The following BABAM1 variants were observed in gnomAD, a reference collection of about 807,000 sequenced individuals.
BABAM1 encodes the protein BRISC and BRCA1-A complex member 1.
Under a neutral mutation model 34.4 loss-of-function variants are expected in BABAM1, and 14 were observed. The observed-to-expected ratio is 0.41, with a 90% CI of 0.27 to 0.64. BABAM1 has a LOEUF of 0.64. BABAM1 is among the 30% of genes least tolerant of loss of function. The pLI, the probability that BABAM1 is intolerant of heterozygous loss-of-function variation, is 0.34. For synonymous variants in BABAM1, 169 were observed against 165.8 expected, an observed-to-expected ratio of 1.02 and a Z score of -0.15; for missense variants, 393 against 434.0, an observed-to-expected ratio of 0.91 and a Z score of 0.84.
intron 1 of BABAM1, chr19:17,268,574 C>T: frequency 2.3e-6 from 1 of 440,426 alleles, no homozygotes; most frequent in East Asian, 4.3e-5. Flanking sequence ...GGATTATCCG[C>T]ATGCGCCACC....
chr19:17,271,764 G>C (rs2073843982), intron 3 of BABAM1, 109 bp downstream of exon 3: 3 of 1,274,800 alleles, frequency 2.4e-6, no homozygotes, highest in Non-Finnish European at 2.2e-6. Flanking sequence ...TCTGGCTTCA[G>C]GCTTGGCAGT....
In BABAM1 at chr19:17,278,860, A is replaced by T. The variant is rs1198975194; in HGVS notation, c.802A>T (p.Met268Leu). 9 of 1,612,970 alleles carry T rather than the reference A, an allele frequency of 5.6e-6. No homozygotes were observed. The highest frequency in any genetic ancestry group is 5.9e-6 in the Non-Finnish European group (7 of 1,179,604). The change falls in exon 9 of 9, where the codon ATG (methionine) becomes TTG (leucine). Residue 268 changes from methionine to leucine, a missense_variant. Physicochemically the swap from Met to Leu is conservative, Grantham distance 15. Coordinates refer to ENST00000598188, the MANE Select transcript of BABAM1 (RefSeq NM_014173.4). ...TCCCCGGCAGGATATGTTTGCCTTCATGGGCAGCCTGGATACCAAGGGTAC... is the reference window on the plus strand; with the variant it reads ...TCCCCGGCAGGATATGTTTGCCTTCTTGGGCAGCCTGGATACCAAGGGTAC... ...EMSWKDMFAF[M>L]GSLDTKGTSY...
intron 3 of BABAM1, among the ~76,000 whole-genome samples, chr19:17,273,526 A>G (rs1277357247): frequency 6.9e-6 from 1 of 144,218 alleles, no homozygotes; most frequent in African/African-American, 2.6e-5. Flanking sequence ...GGGTTTTCAG[A>G]GGAGGGTGGC....
At position 17,273,798 on chromosome 19, in the gene BABAM1, C is replaced by T. The variant is rs367611324; in HGVS notation, c.345-106C>T. 6.4e-6 allele frequency: 9 copies of T among 1,397,710 alleles called. No homozygotes were observed. In the East Asian group the frequency reaches 1.3e-4, roughly 20 times the overall value. 86.6% of individuals were successfully genotyped at this position (1,397,710 alleles called of 1,614,324 possible). A position where few individuals can be genotyped will look rare whatever the true frequency, so the allele number is the denominator to read the frequency against. ...CAGGCTGGTGTTGAACTCCTGACCT[C>T]GTGATCCACCTGCCTCAGCCTCCCA... On this transcript the variant is annotated intron_variant, in intron 3 of 8. Coordinates refer to ENST00000598188, the MANE Select transcript of BABAM1 (RefSeq NM_014173.4).
intron 5 of BABAM1, among the ~76,000 whole-genome samples, chr19:17,275,295 TA>T (rs1308291047): frequency 7.6e-6 from 1 of 132,172 alleles, no homozygotes; most frequent in African/African-American, 2.5e-5. Flanking sequence ...TATTTATTAT[TA>T]TATTTTTTTT....
At chr19:17,278,389 A>C (rs2145627800) in intron 8 of BABAM1, among the ~76,000 whole-genome samples, 1 of 145,938 alleles carries the variant, frequency 6.9e-6, no homozygotes, top group East Asian at 2.1e-4. Context: ...GCTCACTGCC[A>C]GCTCCGCCTC....
chr19:17,276,772 G>T, intron 7 of BABAM1, 51 bp from the exon 8 acceptor site: 1 of 1,565,178 alleles, frequency 6.4e-7, no homozygotes, highest in Non-Finnish European at 8.7e-7. Flanking sequence ...TAGTCATGGG[G>T]CACGGGGTGA....
intron 3 of BABAM1, among the ~76,000 whole-genome samples, chr19:17,272,177 A>G (rs1242592022): frequency 6.6e-6 from 1 of 152,074 alleles, no homozygotes; most frequent in Non-Finnish European, 1.5e-5. Flanking sequence ...CCTGATCTGA[A>G]GTCATCTGCC....
At chr19:17,276,755 G>A in intron 7 of BABAM1, 68 bp from the exon 8 acceptor site, 2 of 1,557,588 alleles carry the variant, frequency 1.3e-6, no homozygotes, top group Admixed American at 3.9e-5. Flanking sequence ...CAGAAATGGG[G>A]GAGCTATAGT....
intron 6 of BABAM1, 101 bp from the exon 7 acceptor site, chr19:17,276,394 G>A: frequency 6.6e-7 from 1 of 1,525,010 alleles, no homozygotes; most frequent in Admixed American, 2.0e-5. Flanking sequence ...ACATCAGTGG[G>A]GCCTCACCTG....
chr19:17,270,087 C>T (rs368276652), intron 2 of BABAM1, among the ~76,000 whole-genome samples: 6 of 152,074 alleles, frequency 3.9e-5, no homozygotes, highest in East Asian at 1.9e-4. Context: ...CCCGCTACTA[C>T]GCCTGGCTAA....
At chr19:17,275,037 C>T (rs1599497536) in intron 5 of BABAM1, among the ~76,000 whole-genome samples, 1 of 152,072 alleles carries the variant, frequency 6.6e-6, no homozygotes, top group South Asian at 2.1e-4. Flanking sequence ...TCCCAAGTAG[C>T]TGGGATTACA....
At chr19:17,274,341 C>A in intron 5 of BABAM1, 156 bp downstream of exon 5, 1 of 931,132 alleles carries the variant, frequency 1.1e-6, no homozygotes, top group Non-Finnish European at 1.6e-6. Context: ...CTCAGTTTCC[C>A]CATCTGTACT....
intron 6 of BABAM1, chr19:17,276,259 T>A (rs2145623347): frequency 6.8e-6 from 4 of 589,202 alleles, no homozygotes. Flanking sequence ...CGCTTGAACC[T>A]GGGAGGTAGA....
rs138979528 is a variant in BABAM1, at chr19:17,271,633, C to A, written c.322C>A (p.Pro108Thr). The change falls in exon 3 of 9, where the codon CCA becomes ACA. Residue 108 changes from proline (P) to threonine (T), a missense_variant. By Grantham distance (38) the Pro-to-Thr change is conservative (BLOSUM62 -1). Transcript: ENST00000598188. Reference sequence around the variant, plus strand: ...GGACCTGTCAGAGGAAATGTCACTGCCAAAGCTGGAGTCGTTCAACGGGTA... The same window carrying A: ...GGACCTGTCAGAGGAAATGTCACTGACAAAGCTGGAGTCGTTCAACGGGTA... ...CLDLSEEMSL[P>T]KLESFNGSKT... 1.2e-5 allele frequency: 19 copies of A among 1,613,816 alleles called. No individual in the cohort carries two copies. In the African/African-American group the frequency reaches 2.5e-4, roughly 22 times the overall value.
At chr19:17,274,059 C>T in intron 4 of BABAM1, 35 bp downstream of exon 4, 2 of 1,613,694 alleles carry the variant, frequency 1.2e-6, no homozygotes, top group African/African-American at 1.3e-5. Flanking sequence ...GCCCTGGGGT[C>T]CCCTGGGGCC....
At chr19:17,272,617 G>A (rs1217051859) in intron 3 of BABAM1, among the ~76,000 whole-genome samples, 1 of 151,334 alleles carries the variant, frequency 6.6e-6, no homozygotes, top group Admixed American at 6.6e-5. Context: ...GTGTTAGCCA[G>A]GATGGTCTCA....
chr19:17,271,720 C>T (rs1215123744), intron 3 of BABAM1, 65 bp downstream of exon 3: 30 of 1,533,848 alleles, frequency 2.0e-5, no homozygotes, highest in South Asian at 1.4e-4. Flanking sequence ...CCAAAAGATA[C>T]GGGGCTCTCA....
chr19:17,277,145 C>T, intron 8 of BABAM1: 1 of 474,832 alleles, frequency 2.1e-6, no homozygotes, highest in Non-Finnish European at 3.7e-6. Flanking sequence ...TCCCCCATCT[C>T]CAACGTTCCC....
Sources: allele counts gnomAD v4.1 joint callset (sites outside exome capture counted in the v4.1 genomes callset), GRCh38; gene constraint gnomAD v4.1.1; transcripts MANE v1.5; gene names NCBI Gene and HGNC (gene_info 2026-07-23, HGNC 2026-07-21).